Variants in PACS2 observed in about 807,000 individuals in gnomAD.
PACS2 encodes the protein PACS1-like protein.
A neutral mutation model predicts 113.0 loss-of-function variants in PACS2; 36 were observed. That is an observed-to-expected ratio of 0.32 (90% CI 0.24 to 0.42). PACS2 has a LOEUF of 0.42. Ranked by LOEUF, PACS2 falls within the 10% of genes least tolerant of loss-of-function variation. PACS2 has a pLI of 1.00. For synonymous variants in PACS2, 589 were observed against 536.1 expected, an observed-to-expected ratio of 1.10 and a Z score of -1.36; for missense variants, 1,015 against 1,239.5, an observed-to-expected ratio of 0.82 and a Z score of 2.72.
rs1299478179 is a variant in PACS2 at position 105,329,901 on chromosome 14, C to T, written c.119+14864C>T. On this transcript the variant is annotated intron_variant, in intron 1 of 24. Coordinates refer to ENST00000447393, the MANE Select transcript of PACS2 (RefSeq NM_001100913.3). This position sits in a 1 kb window ranked among gnomAD's most constrained non-coding sequence, Gnocchi z 6.4. Reference sequence around the variant, plus strand: ...TGGTGGTGCCAGCCCAGGAGCCAAGCACAGCCAGGAGATGAAACCCATCCC... The same window carrying T: ...TGGTGGTGCCAGCCCAGGAGCCAAGTACAGCCAGGAGATGAAACCCATCCC... Among the ~76,000 whole-genome samples the T allele has an allele frequency of 6.6e-6, 1 of 152,216 alleles. No individual in the cohort carries two copies. The highest frequency in any genetic ancestry group is 2.4e-5 in the African/African-American group (1 of 41,458).
At chr14:105,325,492 G>T (rs918245747) in intron 1 of PACS2, among the ~76,000 whole-genome samples, 4 of 152,126 alleles carry the variant, frequency 2.6e-5, no homozygotes. Flanking sequence ...GCTGTGTCTC[G>T]CATTTCTGTC....
chr14:105,362,832 C>A (rs943993360), intron 4 of PACS2, among the ~76,000 whole-genome samples: 7 of 152,162 alleles, frequency 4.6e-5, no homozygotes, highest in Non-Finnish European at 8.8e-5. Context: ...GCCTGGGCAA[C>A]AGAGCGAAAC....
rs782073286 is a variant in PACS2, at chr14:105,381,147, G to A, written c.1268+48G>A. ...GCGGGGCGGTGATGCACCTGTCGGG[G>A]GAGGGGCCGTCACGGGCATCAGTCG... On this transcript the variant is annotated intron_variant, in intron 12 of 24. Transcript: ENST00000447393. 2.6e-6 allele frequency: 4 copies of A among 1,554,016 alleles called. No homozygotes were observed. In the African/African-American group the frequency reaches 5.4e-5, roughly 21 times the overall value.
rs1157296960 is a variant in PACS2, at chr14:105,352,462, T to C, written c.292T>C (p.Leu98=). 1.3e-6 allele frequency: 2 copies of C among 1,594,486 alleles called. No individual in the cohort carries two copies. The highest frequency in any genetic ancestry group is 1.7e-5 in the Admixed American group (1 of 59,956). The part of the protein sequence containing the change: ...VETDLALTFS[L]QYPHFLKREG... ...GACAGACCTGGCCCTGACCTTCTCC[T>C]TGCAGGTGAGTCTTTCACCAGTGGT... The change falls in exon 3 of 25, where the codon TTG becomes CTG. Residue 98 remains leucine, a synonymous_variant. Coordinates refer to ENST00000447393, the MANE Select transcript of PACS2 (RefSeq NM_001100913.3).
rs587605021 is a variant in PACS2 at position 105,356,448 on chromosome 14, G to A, written c.423+1271G>A. The stretch of plus-strand genomic sequence containing the variant: ...ACAGCACGGGTGGACCGGGCCTCCA[G>A]GCTGCACTTCCCAGGGCCCTGGGAC... On this transcript the variant is annotated intron_variant, in intron 4 of 24. Transcript: ENST00000447393. This position sits in a 1 kb window ranked among gnomAD's most constrained non-coding sequence, Gnocchi z 4.0. Among the ~76,000 whole-genome samples the A allele has an allele frequency of 1.3e-5, 2 of 152,282 alleles. No individual in the cohort carries two copies. Among genetic ancestry groups the A allele is most frequent in the South Asian group, 4.1e-4 (2 of 4,832 alleles).
chr14:105,394,919 G>A lies in PACS2; in HGVS notation c.*247G>A. 1 of 465,254 alleles carries A rather than the reference G, an allele frequency of 2.1e-6. No individual in the cohort carries two copies. The highest frequency in any genetic ancestry group is 3.9e-6 in the Non-Finnish European group (1 of 253,488). 28.8% of individuals were successfully genotyped at this position (465,254 alleles called of 1,614,324 possible). ...AGCCAGAAGGACGATGCTGAGCCAT[G>A]GATCGCGGAAGGCGTCCTCTGGCCT... On this transcript the variant is annotated 3_prime_UTR_variant, in exon 25 of 25. Coordinates refer to ENST00000447393, the MANE Select transcript of PACS2 (RefSeq NM_001100913.3).
rs587639184 is a variant in PACS2 at position 105,324,529 on chromosome 14, G to C, written c.119+9492G>C. Among the ~76,000 whole-genome samples, 1 of 152,226 alleles carries C rather than the reference G, an allele frequency of 6.6e-6. No homozygotes were observed. The highest frequency in any genetic ancestry group is 1.5e-5 in the Non-Finnish European group (1 of 67,986). ...CTGGCTGGCTCAGCAGCTGCTCTGA[G>C]AGGCAGCCCTAAAAATAGCCGAGCG... On this transcript the variant is annotated intron_variant, in intron 1 of 24. Coordinates refer to ENST00000447393, the MANE Select transcript of PACS2 (RefSeq NM_001100913.3). This position sits in a 1 kb window ranked among gnomAD's most constrained non-coding sequence, Gnocchi z 4.7.
In PACS2 at chr14:105,302,634, G is replaced by A. The variant is rs587621561; in HGVS notation, c.-83+1655G>A. Among the ~76,000 whole-genome samples the A allele has an allele frequency of 2.0e-5, 3 of 152,122 alleles. No homozygotes were observed. The South Asian group carries it at 6.2e-4, about 32-fold the overall frequency. ...AGTGTCTCATTCTGTCACCCAAGGT[G>A]GAGTGCAGTAGCATAATCAAGCCTC... On this transcript the variant is annotated intron_variant, in intron 1 of 23. Transcript: ENST00000430725.
chr14:105,313,729 A>T (rs587755385), upstream of PACS2, among the ~76,000 whole-genome samples: 8 of 152,376 alleles, frequency 5.3e-5, no homozygotes, highest in African/African-American at 1.9e-4. Flanking sequence ...CAGGGCGAAG[A>T]GAAAAGCAAC....
chr14:105,382,402 A>G, intron 13 of PACS2, 75 bp from the exon 14 acceptor site: 1 of 879,286 alleles, frequency 1.1e-6, no homozygotes. Context: ...GGGGCACTGC[A>G]GGCACCAGGG....
At chr14:105,342,167 T>C (rs1325326529) in intron 1 of PACS2, among the ~76,000 whole-genome samples, 1 of 152,228 alleles carries the variant, frequency 6.6e-6, no homozygotes, top group Non-Finnish European at 1.5e-5. Context: ...CAAATGCCTC[T>C]TGTGGATTTG....
intron 4 of PACS2, among the ~76,000 whole-genome samples, chr14:105,364,358 C>A (rs111572061): frequency 1.7e-5 from 2 of 115,622 alleles, no homozygotes; most frequent in Non-Finnish European, 3.3e-5. Context: ...GGCGGTGTCC[C>A]GGGTGCACGG....
Position 105,322,331 on chromosome 14 carries a change from C to T in PACS2, c.119+7294C>T, listed in dbSNP as rs587730024. ...CCAGGGTGGAATGCAGTGGCGCAATCTTGGCTCACTGCAACCTCCACCTCC... is the reference window on the plus strand; with the variant it reads ...CCAGGGTGGAATGCAGTGGCGCAATTTTGGCTCACTGCAACCTCCACCTCC... On this transcript the variant is annotated intron_variant, in intron 1 of 24. Coordinates refer to ENST00000447393, the MANE Select transcript of PACS2 (RefSeq NM_001100913.3). 1.4e-4 allele frequency among the ~76,000 whole-genome samples: 21 copies of T among 152,172 alleles called. No individual in the cohort carries two copies. In the South Asian group the frequency reaches 4.4e-3, roughly 32 times the overall value.
intron 1 of PACS2, among the ~76,000 whole-genome samples, chr14:105,319,423 G>A (rs941336886): frequency 1.3e-5 from 2 of 152,192 alleles, no homozygotes; most frequent in Non-Finnish European, 1.5e-5. Context: ...AGATTCTGCT[G>A]TCATGCATAT....
chr14:105,322,566 T>G (rs1173004546), intron 1 of PACS2, among the ~76,000 whole-genome samples: 1 of 152,226 alleles, frequency 6.6e-6, no homozygotes, highest in Non-Finnish European at 1.5e-5. Context: ...ACGCCCAGCC[T>G]ACCCTGTACA....
intron 4 of PACS2, among the ~76,000 whole-genome samples, chr14:105,362,627 G>T (rs1423536969): frequency 6.6e-6 from 1 of 152,022 alleles, no homozygotes; most frequent in Non-Finnish European, 1.5e-5. Context: ...AAGGCAGGTG[G>T]ATCATCTGAG....
chr14:105,343,710 T>G (rs1595631076), intron 1 of PACS2, among the ~76,000 whole-genome samples: 2 of 151,904 alleles, frequency 1.3e-5, no homozygotes, highest in Admixed American at 6.6e-5. Context: ...TTTTTTTTTT[T>G]TTTGAGATGG....
At chr14:105,363,376 T>C (rs1446690231) in intron 4 of PACS2, among the ~76,000 whole-genome samples, 2 of 152,246 alleles carry the variant, frequency 1.3e-5, no homozygotes, top group Non-Finnish European at 2.9e-5. Flanking sequence ...TTCGTCAAGA[T>C]CTGAACTAGA....
At chr14:105,327,776 C>A (rs1173043525) in intron 1 of PACS2, among the ~76,000 whole-genome samples, 1 of 152,212 alleles carries the variant, frequency 6.6e-6, no homozygotes, top group Non-Finnish European at 1.5e-5. Flanking sequence ...GGAGCAGGAC[C>A]ATTGACAGCC....
Sources: allele counts gnomAD v4.1 joint callset (sites outside exome capture counted in the v4.1 genomes callset), GRCh38; gene constraint gnomAD v4.1.1; non-coding constraint Gnocchi (gnomAD v3.1); transcripts MANE v1.5; gene names NCBI Gene and HGNC (gene_info 2026-07-23, HGNC 2026-07-21).